The following IKBKB-DT variants were observed in gnomAD, a reference collection of about 807,000 sequenced individuals.
The protein encoded by IKBKB-DT is IKBKB divergent transcript.
chr8:42,253,880 A>T (rs1238594079), intron 3 of IKBKB-DT, among the ~76,000 whole-genome samples: 7 of 152,200 alleles, frequency 4.6e-5, no homozygotes, highest in African/African-American at 7.2e-5. Context: ...AGCAACTCAG[A>T]ACTTTTTAAA....
intron 3 of IKBKB-DT, among the ~76,000 whole-genome samples, chr8:42,262,772 C>T (rs1477596506): frequency 6.8e-6 from 1 of 146,154 alleles, no homozygotes; most frequent in Non-Finnish European, 1.5e-5. Flanking sequence ...GGGTCTCATG[C>T]TCATTGCCCA....
intron 3 of IKBKB-DT, among the ~76,000 whole-genome samples, chr8:42,238,488 A>G (rs1198330037): frequency 6.6e-6 from 1 of 152,180 alleles, no homozygotes; most frequent in Non-Finnish European, 1.5e-5. Context: ...AGTCCACAAG[A>G]TGAGGATGAT....
At chr8:42,269,191 G>T (rs968561749) in intron 1 of IKBKB-DT, among the ~76,000 whole-genome samples, 1 of 150,796 alleles carries the variant, frequency 6.6e-6, no homozygotes, top group African/African-American at 2.4e-5. Flanking sequence ...ATGGTGGCAC[G>T]TGCCTGTAAT....
At chr8:42,241,833 G>T (rs1044003790) in intron 3 of IKBKB-DT, among the ~76,000 whole-genome samples, 5 of 152,220 alleles carry the variant, frequency 3.3e-5, no homozygotes, top group Non-Finnish European at 5.9e-5. Context: ...GGTAGAACTG[G>T]TTAGTATGGA....
rs1044572239 is a variant in IKBKB-DT at position 42,252,785 on chromosome 8, C to T, written n.1529+10544G>A. On this transcript the variant is annotated intron_variant and non_coding_transcript_variant, in intron 3 of 3. Coordinates refer to ENST00000518213, the Ensembl canonical transcript of IKBKB-DT. ...GGAAATTCCAAATGAATCATCATAC[C>T]TTAAAAAGTACAAAGGGGTCATTCC... 9.9e-5 allele frequency among the ~76,000 whole-genome samples: 15 copies of T among 152,200 alleles called. 1 individual carries two copies.
intron 3 of IKBKB-DT, among the ~76,000 whole-genome samples, chr8:42,250,006 C>T (rs1017105599): frequency 8.5e-5 from 13 of 152,104 alleles, no homozygotes; most frequent in African/African-American, 2.9e-4. Flanking sequence ...TTTATCAAGG[C>T]AGGGGAATTG....
intron 3 of IKBKB-DT, among the ~76,000 whole-genome samples, chr8:42,239,614 T>TATATATATATATATATATA: frequency 5.0e-5 from 1 of 19,910 alleles, no homozygotes; most frequent in South Asian, 2.4e-3. Flanking sequence ...AAAAGGCAAT[T>TATATATATATATATATATA]TATATATATA....
At chr8:42,262,201 G>A (rs1807298123) in intron 3 of IKBKB-DT, among the ~76,000 whole-genome samples, 1 of 151,918 alleles carries the variant, frequency 6.6e-6, no homozygotes, top group African/African-American at 2.4e-5. Flanking sequence ...GTTAGTGGGT[G>A]CAGCGCACCA....
At chr8:42,247,661 C>T (rs1807079378) in intron 3 of IKBKB-DT, among the ~76,000 whole-genome samples, 2 of 152,100 alleles carry the variant, frequency 1.3e-5, no homozygotes, top group South Asian at 4.1e-4. Flanking sequence ...GAGGGAGAGA[C>T]CTGGTGGGAG....
At chr8:42,263,032 C>T (rs550540758) in intron 3 of IKBKB-DT, among the ~76,000 whole-genome samples, 9 of 151,902 alleles carry the variant, frequency 5.9e-5, no homozygotes, top group South Asian at 2.1e-4. Flanking sequence ...TGAGCCACTA[C>T]GCCCTGCTAA....
In IKBKB-DT at chr8:42,267,166, G is replaced by A. The variant is rs138633047; in HGVS notation, n.604-770C>T. ...ACTACAGGCGCCCGCCACCATGCCT[G>A]GCTAATTTTTTGTATTTTTAGTAGA... On this transcript the variant is annotated intron_variant and non_coding_transcript_variant, in intron 1 of 3. Transcript: ENST00000518213. Among the ~76,000 whole-genome samples, 1,474 of 151,792 alleles carry A rather than the reference G, an allele frequency of 9.7e-3. 18 individuals are homozygous for A. Among genetic ancestry groups the A allele is most frequent in the African/African-American group, 0.033 (1,348 of 41,424 alleles).
intron 3 of IKBKB-DT, among the ~76,000 whole-genome samples, chr8:42,246,235 C>G (rs1807061537): frequency 6.6e-6 from 1 of 152,070 alleles, no homozygotes; most frequent in African/African-American, 2.4e-5. Flanking sequence ...ACTATGTTGT[C>G]CAGGGTGGTC....
At position 42,255,070 on chromosome 8, in the gene IKBKB-DT, G is replaced by A. The variant is rs1345427925; in HGVS notation, n.1529+8259C>T. ...CCGCCCTGTCTGGCAAGTGAAGAGC[G>A]CCGCTGCCCAGCTGCCCCACTGTCT... On this transcript the variant is annotated intron_variant and non_coding_transcript_variant, in intron 3 of 3. Coordinates refer to ENST00000518213, the Ensembl canonical transcript of IKBKB-DT. 8.8e-5 allele frequency among the ~76,000 whole-genome samples: 13 copies of A among 147,362 alleles called. No individual in the cohort carries two copies. The South Asian group carries it at 1.7e-3, about 20-fold the overall frequency.
intron 3 of IKBKB-DT, among the ~76,000 whole-genome samples, chr8:42,236,438 G>C (rs375688876): frequency 1.3e-5 from 2 of 152,146 alleles, no homozygotes; most frequent in African/African-American, 4.8e-5. Context: ...GAAAGTTGTC[G>C]AAACTGTCAA....
At chr8:42,256,029 A>T (rs1260853458) in intron 3 of IKBKB-DT, among the ~76,000 whole-genome samples, 1 of 150,470 alleles carries the variant, frequency 6.6e-6, no homozygotes, top group Non-Finnish European at 1.5e-5. Flanking sequence ...TCCATCTCAA[A>T]AAAAAAAAAG....
intron 3 of IKBKB-DT, among the ~76,000 whole-genome samples, chr8:42,242,086 G>C (rs58086539): frequency 6.6e-6 from 1 of 151,990 alleles, no homozygotes; most frequent in African/African-American, 2.4e-5. Flanking sequence ...ATGTTGGTGC[G>C]CGCCTGTAAT....
intron 3 of IKBKB-DT, among the ~76,000 whole-genome samples, chr8:42,239,898 C>T (rs1753255170): frequency 6.6e-6 from 1 of 151,546 alleles, no homozygotes; most frequent in Admixed American, 6.6e-5. Flanking sequence ...CTCAGCCTCC[C>T]AAAGTGTTGG....
intron 1 of IKBKB-DT, among the ~76,000 whole-genome samples, chr8:42,269,462 A>AAGGGGGG (rs1432044897): frequency 9.6e-5 from 2 of 20,888 alleles, no homozygotes; most frequent in Non-Finnish European, 1.7e-4. Context: ...AGGGGAGGGG[A>AAGGGGGG]GGGGAGGGGA....
At chr8:42,243,267 T>C (rs1807025638) in intron 3 of IKBKB-DT, among the ~76,000 whole-genome samples, 1 of 152,202 alleles carries the variant, frequency 6.6e-6, no homozygotes, top group Admixed American at 6.5e-5. Context: ...AGCCTCCTGG[T>C]GGGTGAGCGT....
Sources: gnomAD v4.1 joint callset for allele counts (sites outside exome capture counted in the v4.1 genomes callset) on GRCh38, gnomAD v4.1.1 for gene constraint, MANE v1.5 for transcripts, NCBI Gene and HGNC (gene_info 2026-07-23, HGNC 2026-07-21) for gene names.